The following PPM1L variants were observed in gnomAD, a reference collection of about 807,000 sequenced individuals.
PPM1L encodes the protein protein phosphatase, Mg2+/Mn2+ dependent 1L, also known as protein phosphatase 1L.
Under a neutral mutation model 31.4 loss-of-function variants are expected in PPM1L, and 13 were observed. The observed-to-expected ratio is 0.41, with a 90% confidence interval of 0.27 to 0.66. The LOEUF (loss-of-function observed/expected upper bound fraction) is 0.66, where lower values mean the gene tolerates loss of function less well. Ranked by LOEUF, PPM1L falls within the 30% of genes least tolerant of loss-of-function variation. PPM1L has a pLI of 0.29. For missense variants in PPM1L, 326 were observed against 453.7 expected, an observed-to-expected ratio of 0.72 and a Z score of 2.56; for synonymous variants, 184 against 175.4, an observed-to-expected ratio of 1.05 and a Z score of -0.39.
At position 161,073,410 on chromosome 3, in the gene PPM1L, T is replaced by C. The variant is rs1191187015; in HGVS notation, c.*4253T>C. The C allele has an allele frequency of 6.6e-6, 1 of 152,206 alleles. No individual in the cohort carries two copies. The highest frequency in any genetic ancestry group is 1.5e-5 in the Non-Finnish European group (1 of 68,038). 9.4% of individuals were successfully genotyped at this position (152,206 alleles called of 1,614,324 possible). On this transcript the variant is annotated 3_prime_UTR_variant, in exon 4 of 4. Coordinates refer to ENST00000498165, the MANE Select transcript of PPM1L (RefSeq NM_139245.4). ...TGTTTTCATTCACGATGACTCTTAGTAGCAGTACAATTTGCAACTTAGAAG... is the reference window on the plus strand; with the variant it reads ...TGTTTTCATTCACGATGACTCTTAGCAGCAGTACAATTTGCAACTTAGAAG...
chr3:160,760,208 T>A (rs1032783770), intron 1 of PPM1L, among the ~76,000 whole-genome samples: 1 of 152,244 alleles, frequency 6.6e-6, no homozygotes, highest in African/African-American at 2.4e-5. Context: ...GAAAAGTGTG[T>A]CATGGCTTTA....
chr3:160,938,265 T>C (rs771756731), intron 1 of PPM1L, among the ~76,000 whole-genome samples: 3 of 152,204 alleles, frequency 2.0e-5, no homozygotes, highest in Non-Finnish European at 4.4e-5. Context: ...GGCGTCCTAC[T>C]ACCAACTGAT....
chr3:160,860,975 T>G (rs1352921501), intron 1 of PPM1L, among the ~76,000 whole-genome samples: 2 of 152,304 alleles, frequency 1.3e-5, no homozygotes, highest in Middle Eastern at 3.4e-3. Flanking sequence ...ATATGAATTT[T>G]GGGGGAACAC....
At chr3:161,014,111 C>T (rs945893395) in intron 2 of PPM1L, among the ~76,000 whole-genome samples, 1 of 152,118 alleles carries the variant, frequency 6.6e-6, no homozygotes, top group Non-Finnish European at 1.5e-5. Flanking sequence ...CAGTTTCTTC[C>T]TAGCATCAAT....
At chr3:160,990,842 ACTGT>A (rs1454821666) in intron 2 of PPM1L, among the ~76,000 whole-genome samples, 16 of 152,320 alleles carry the variant, frequency 1.1e-4, no homozygotes, top group African/African-American at 3.1e-4. Flanking sequence ...CTTTTGTAGG[ACTGT>A]CTATTACATT....
At chr3:160,839,134 C>A (rs143038890) in intron 1 of PPM1L, among the ~76,000 whole-genome samples, 7 of 152,282 alleles carry the variant, frequency 4.6e-5, no homozygotes, top group African/African-American at 7.2e-5. Context: ...GACTTCCCAG[C>A]CTCCAGAACC....
chr3:160,984,028 G>A (rs6763532), intron 2 of PPM1L, among the ~76,000 whole-genome samples: 71,686 of 152,008 alleles, frequency 0.47, 18,218 homozygotes, highest in East Asian at 0.7. Flanking sequence ...ATGAACTTCC[G>A]TGTCCCGCTG....
intron 1 of PPM1L, among the ~76,000 whole-genome samples, chr3:160,937,164 C>T (rs546100393): frequency 2.3e-4 from 35 of 152,252 alleles, no homozygotes; most frequent in Middle Eastern, 3.4e-3. Context: ...TTTATATTTA[C>T]ATAGTCTTAC....
chr3:160,856,082 C>T (rs961067890), intron 1 of PPM1L, among the ~76,000 whole-genome samples: 3 of 151,968 alleles, frequency 2.0e-5, no homozygotes, highest in African/African-American at 7.2e-5. Flanking sequence ...AGATGTAGGC[C>T]AGAAGACTAA....
intron 2 of PPM1L, among the ~76,000 whole-genome samples, chr3:161,051,135 A>T (rs1719262748): frequency 6.6e-6 from 1 of 152,154 alleles, no homozygotes; most frequent in Non-Finnish European, 1.5e-5. Context: ...TCAGACTGAG[A>T]CAAGTTCCCT....
chr3:160,847,926 A>C (rs978026697), intron 1 of PPM1L, among the ~76,000 whole-genome samples: 8 of 152,078 alleles, frequency 5.3e-5, no homozygotes, highest in Admixed American at 1.3e-4. Flanking sequence ...TATGTTCCCT[A>C]GGCATTGTGT....
At position 161,033,651 on chromosome 3, in the gene PPM1L, G is replaced by A. The variant is rs573074411; in HGVS notation, c.575-31752G>A. Among the ~76,000 whole-genome samples, 6 of 152,298 alleles carry A rather than the reference G, an allele frequency of 3.9e-5. No individual in the cohort carries two copies. The East Asian group carries it at 5.8e-4, about 15-fold the overall frequency. ...ACTGGCTAGCTATATGTAGAAAACCGAAAATGCACCCCTTCCTTATACCTT... is the reference window on the plus strand; with the variant it reads ...ACTGGCTAGCTATATGTAGAAAACCAAAAATGCACCCCTTCCTTATACCTT... On this transcript the variant is annotated intron_variant, in intron 2 of 3. Coordinates refer to ENST00000498165, the MANE Select transcript of PPM1L (RefSeq NM_139245.4).
At chr3:160,797,221 T>C (rs972572616) in intron 1 of PPM1L, among the ~76,000 whole-genome samples, 1 of 152,206 alleles carries the variant, frequency 6.6e-6, no homozygotes, top group African/African-American at 2.4e-5. Context: ...ATTATTATTA[T>C]TATATCTGTC....
chr3:160,948,598 G>A (rs1715481785), intron 1 of PPM1L, among the ~76,000 whole-genome samples: 1 of 152,300 alleles, frequency 6.6e-6, no homozygotes, highest in Middle Eastern at 3.4e-3. Context: ...CCCACAAGCT[G>A]TTGGGAAAGG....
intron 1 of PPM1L, among the ~76,000 whole-genome samples, chr3:160,939,396 A>G (rs940743609): frequency 6.6e-6 from 1 of 152,132 alleles, no homozygotes; most frequent in African/African-American, 2.4e-5. Context: ...GCAACTCCTT[A>G]CATCCCTCAA....
chr3:160,945,120 T>TATATAACATGTTATATATAA (rs1559897807), intron 1 of PPM1L, among the ~76,000 whole-genome samples: 2 of 16,280 alleles, frequency 1.2e-4, no homozygotes, highest in Non-Finnish European at 1.8e-4. Context: ...ATGTTATCTA[T>TATATAACATGTTATATATAA]CTATCTATCT....
At chr3:161,048,065 A>G (rs1400334622) in intron 2 of PPM1L, among the ~76,000 whole-genome samples, 3 of 152,262 alleles carry the variant, frequency 2.0e-5, no homozygotes. Context: ...TGCAATGGCA[A>G]CAAAAGCCAA....
chr3:160,851,943 G>A (rs1169445019), intron 1 of PPM1L, among the ~76,000 whole-genome samples: 1 of 152,104 alleles, frequency 6.6e-6, no homozygotes, highest in Non-Finnish European at 1.5e-5. Context: ...ACGTCCTGTC[G>A]ATTTTTTCCC....
chr3:160,992,950 T>C (rs1287533523), intron 2 of PPM1L, among the ~76,000 whole-genome samples: 4 of 152,208 alleles, frequency 2.6e-5, no homozygotes, highest in African/African-American at 9.6e-5. Context: ...TAAAAATAAC[T>C]GCTTTAAGGA....
Sources: gnomAD v4.1 joint callset for allele counts (sites outside exome capture counted in the v4.1 genomes callset) on GRCh38, gnomAD v4.1.1 for gene constraint, MANE v1.5 for transcripts, NCBI Gene and HGNC (gene_info 2026-07-23, HGNC 2026-07-21) for gene names.